Variants in LRFN5 observed in about 807,000 individuals in gnomAD.
The protein encoded by LRFN5 is leucine-rich repeat and fibronectin type-III domain-containing protein 5.
In LRFN5, 24 loss-of-function variants were observed where a neutral mutation model predicts 45.6. The ratio of observed to expected loss-of-function variants is 0.53; its 90% CI spans 0.38 to 0.74. The LOEUF is 0.74. LRFN5 is among the 30% of genes least tolerant of loss of function. The pLI is 0.00. For missense variants in LRFN5, 776 were observed against 861.5 expected (o/e 0.90, Z 1.24); for synonymous variants, 340 against 313.8 (o/e 1.08, Z -0.88).
intron 2 of LRFN5, among the ~76,000 whole-genome samples, chr14:41,794,090 T>C (rs1005274660): frequency 1.3e-5 from 2 of 152,026 alleles, no homozygotes; most frequent in South Asian, 4.1e-4. Context: ...TATCAACTCA[T>C]ATTTATAAAT....
chr14:41,661,481 A>G lies in LRFN5; in HGVS notation c.-197+52919A>G, dbSNP rs371113157. On this transcript the variant is annotated intron_variant, in intron 1 of 5. Coordinates refer to ENST00000298119, the MANE Select transcript of LRFN5 (RefSeq NM_152447.5). ...TACATTTTGTGAAATAATGTACAAT[A>G]TCCTGCTAGAAGGGTTGAAGAGTTA... 2.4e-4 allele frequency among the ~76,000 whole-genome samples: 36 copies of G among 152,168 alleles called. No individual in the cohort carries two copies. In the South Asian group the frequency reaches 7.1e-3, roughly 30 times the overall value.
chr14:41,874,666 C>T (rs893788294), intron 2 of LRFN5, among the ~76,000 whole-genome samples: 3 of 152,054 alleles, frequency 2.0e-5, no homozygotes, highest in African/African-American at 7.2e-5. Flanking sequence ...GGGAATGTAC[C>T]TTTCACAAAC....
intron 1 of LRFN5, among the ~76,000 whole-genome samples, chr14:41,761,241 T>A (rs1002032853): frequency 4.8e-5 from 7 of 145,204 alleles, no homozygotes; most frequent in Non-Finnish European, 7.5e-5. Flanking sequence ...GTTGAGTTAC[T>A]GAAGGGAAAA....
chr14:41,816,404 GC>G (rs1887919380), intron 2 of LRFN5, among the ~76,000 whole-genome samples: 1 of 151,364 alleles, frequency 6.6e-6, no homozygotes, highest in Non-Finnish European at 1.5e-5. Context: ...TGCATTTCTG[GC>G]CTTTATTATT....
At chr14:41,732,370 G>A (rs1037020780) in intron 1 of LRFN5, among the ~76,000 whole-genome samples, 1 of 152,126 alleles carries the variant, frequency 6.6e-6, no homozygotes, top group Non-Finnish European at 1.5e-5. Context: ...GATTTAAGAG[G>A]CTGGTGCCTT....
chr14:41,792,266 G>A (rs1345092200), intron 2 of LRFN5, among the ~76,000 whole-genome samples: 1 of 152,060 alleles, frequency 6.6e-6, no homozygotes, highest in East Asian at 1.9e-4. Flanking sequence ...ATGCTTCTGA[G>A]GGAACAGGAC....
chr14:41,693,077 C>G (rs1882452142), intron 1 of LRFN5, among the ~76,000 whole-genome samples: 1 of 151,882 alleles, frequency 6.6e-6, no homozygotes. Context: ...ACTTCATTTC[C>G]TATTTCACTG....
At chr14:41,728,207 G>C (rs1884016227) in intron 1 of LRFN5, among the ~76,000 whole-genome samples, 1 of 152,038 alleles carries the variant, frequency 6.6e-6, no homozygotes, top group Non-Finnish European at 1.5e-5. Context: ...ATCACTAAAA[G>C]CACACGCAAA....
At chr14:41,702,776 T>C (rs759842056) in intron 1 of LRFN5, among the ~76,000 whole-genome samples, 24 of 152,054 alleles carry the variant, frequency 1.6e-4, no homozygotes, top group Admixed American at 5.9e-4. Flanking sequence ...GAATGTGTTT[T>C]ATAAGCATAA....
chr14:41,704,371 A>T (rs1882961560), intron 1 of LRFN5, among the ~76,000 whole-genome samples: 1 of 149,970 alleles, frequency 6.7e-6, no homozygotes, highest in Non-Finnish European at 1.5e-5. Flanking sequence ...TTTCAGTGAG[A>T]ATTTGACCTC....
chr14:41,795,525 C>G (rs200232152), intron 2 of LRFN5, among the ~76,000 whole-genome samples: 1 of 152,036 alleles, frequency 6.6e-6, no homozygotes, highest in Non-Finnish European at 1.5e-5. Context: ...TGGAACCAAC[C>G]CAAATGTCCA....
At chr14:41,718,084 A>G (rs999993471) in intron 1 of LRFN5, among the ~76,000 whole-genome samples, 7 of 152,188 alleles carry the variant, frequency 4.6e-5, no homozygotes, top group African/African-American at 1.4e-4. Context: ...ATGTAGCTAC[A>G]TTGTAATGCA....
intron 1 of LRFN5, among the ~76,000 whole-genome samples, chr14:41,672,294 C>T (rs1241273589): frequency 2.0e-5 from 3 of 151,928 alleles, no homozygotes; most frequent in Non-Finnish European, 4.4e-5. Flanking sequence ...TTGATTTCTC[C>T]GATAGGTTCC....
chr14:41,616,835 T>C (rs1339310292), intron 1 of LRFN5, among the ~76,000 whole-genome samples: 1 of 152,090 alleles, frequency 6.6e-6, no homozygotes, highest in Non-Finnish European at 1.5e-5. Context: ...TCCTTCAATA[T>C]ATATGTTAGT....
chr14:41,760,656 A>G (rs921568097), intron 1 of LRFN5, among the ~76,000 whole-genome samples: 1 of 152,118 alleles, frequency 6.6e-6, no homozygotes, highest in Non-Finnish European at 1.5e-5. Flanking sequence ...CTGATTTAAC[A>G]TGCAAAGGAG....
At chr14:41,885,129 G>C (rs1890519039) in intron 2 of LRFN5, among the ~76,000 whole-genome samples, 1 of 145,622 alleles carries the variant, frequency 6.9e-6, no homozygotes. Flanking sequence ...GGATTGCTGA[G>C]TCCAGGAGTT....
chr14:41,673,777 G>T (rs1478229444), intron 1 of LRFN5, among the ~76,000 whole-genome samples: 61 of 146,136 alleles, frequency 4.2e-4, no homozygotes, highest in African/African-American at 1.5e-3. Flanking sequence ...CTCCCGGACG[G>T]GGCGGCTGGC....
intron 1 of LRFN5, among the ~76,000 whole-genome samples, chr14:41,691,348 A>G (rs897244958): frequency 9.9e-5 from 15 of 152,184 alleles, no homozygotes; most frequent in Admixed American, 3.3e-4. Context: ...TCATCAAGCT[A>G]TCACATTTTA....
chr14:41,901,475 C>T (rs1033706093), intron 5 of LRFN5, among the ~76,000 whole-genome samples: 1 of 150,824 alleles, frequency 6.6e-6, no homozygotes, highest in Non-Finnish European at 1.5e-5. Context: ...TGTAGCTTTG[C>T]ACAAGAGCTA....
Sources: allele counts gnomAD v4.1 joint callset (sites outside exome capture counted in the v4.1 genomes callset), GRCh38; gene constraint gnomAD v4.1.1; transcripts MANE v1.5; gene names NCBI Gene and HGNC (gene_info 2026-07-23, HGNC 2026-07-21).